Variants in YBX3 observed in about 807,000 individuals in gnomAD.
YBX3 encodes the protein Y-box binding protein 3.
A neutral mutation model predicts 42.4 loss-of-function variants in YBX3; 29 were observed. The ratio of observed to expected loss-of-function variants is 0.68; its 90% CI spans 0.51 to 0.93. YBX3 has a LOEUF of 0.93. Ranked by LOEUF, YBX3 falls within the 40% of genes least tolerant of loss-of-function variation. The probability of loss-of-function intolerance (pLI) is 0.00; values close to 1 mark genes in which losing one functional copy is unlikely to be tolerated. For missense variants in YBX3, 517 were observed against 527.5 expected, an observed-to-expected ratio of 0.98 and a Z score of 0.19; for synonymous variants, 195 against 189.8, an observed-to-expected ratio of 1.03 and a Z score of -0.22.
Position 10,710,632 on chromosome 12 carries a change from A to C in YBX3, c.574-518T>G, listed in dbSNP as rs1272074908. ...TCAGCGAGGTCAAACTATTGCCATA[A>C]TATTACTAAGATGCTATTTGCCTTT... On this transcript the variant is annotated intron_variant, in intron 5 of 9. Coordinates refer to ENST00000228251, the MANE Select transcript of YBX3 (RefSeq NM_003651.5). 9 of 1,200,884 alleles carry C rather than the reference A, an allele frequency of 7.5e-6. No homozygotes were observed. The African/African-American group carries it at 1.4e-4, about 19-fold the overall frequency. The allele number at this position is 1,200,884 out of a possible 1,614,324, so 74.4% of individuals were successfully genotyped here. A position where few individuals can be genotyped will look rare whatever the true frequency, so the allele number is the denominator to read the frequency against.
Position 10,722,877 on chromosome 12 carries a change from T to G in YBX3, c.235A>C (p.Ser79Arg). ...AGAACTTTTTTCTCCGCGTCTTCGC[T>G]GCCGGCGGCGGTGGCTAAAGAGGCG... ...AAASLATAAG[S>R]EDAEKKVLAT... Residue 79 changes from serine (S) to arginine (R), a missense_variant, in exon 1 of 10, where the codon AGC becomes CGC. Physicochemically the swap from Ser to Arg is moderately radical, Grantham distance 110 (BLOSUM62 -1). This residue lies in a region of YBX3 where 420 missense variants were observed against 408.5 expected (regional missense o/e 1.03). Coordinates refer to ENST00000228251, the MANE Select transcript of YBX3 (RefSeq NM_003651.5). 6.7e-7 allele frequency: 1 copy of G among 1,488,306 alleles called. No homozygotes were observed. The highest frequency in any genetic ancestry group is 8.9e-7 in the Non-Finnish European group (1 of 1,119,102). 92.2% of individuals were successfully genotyped at this position (1,488,306 alleles called of 1,614,324 possible).
intron 6 of YBX3, among the ~76,000 whole-genome samples, chr12:10,707,794 G>A (rs1948154480): frequency 6.6e-6 from 1 of 152,004 alleles, no homozygotes; most frequent in African/African-American, 2.4e-5. Context: ...CCCATCACAT[G>A]AGCCTCTCTT....
intron 4 of YBX3, among the ~76,000 whole-genome samples, chr12:10,715,318 G>A (rs1364779070): frequency 6.6e-6 from 1 of 151,782 alleles, no homozygotes; most frequent in Non-Finnish European, 1.5e-5. Context: ...GCTGACACAG[G>A]TGGATCACCT....
At chr12:10,721,427 C>T (rs887193261) in intron 1 of YBX3, among the ~76,000 whole-genome samples, 3 of 152,164 alleles carry the variant, frequency 2.0e-5, no homozygotes, top group African/African-American at 7.2e-5. Flanking sequence ...CAATGTTATC[C>T]TAACACTGCT....
chr12:10,715,296 G>C (rs556885696), intron 4 of YBX3, among the ~76,000 whole-genome samples: 1 of 151,804 alleles, frequency 6.6e-6, no homozygotes, highest in Admixed American at 6.6e-5. Context: ...TGTAATCCCA[G>C]TACTTTGGGA....
chr12:10,703,770 C>T (rs1354429183), intron 7 of YBX3: 2 of 346,036 alleles, frequency 5.8e-6, no homozygotes, highest in Admixed American at 4.3e-5. Flanking sequence ...GAATTGCCCA[C>T]CAATAATTTA....
intron 1 of YBX3, chr12:10,722,211 G>C (rs988093216): frequency 2.0e-5 from 3 of 152,308 alleles, no homozygotes; most frequent in African/African-American, 7.2e-5. Flanking sequence ...GTGGGACTAA[G>C]ACCCAAGTTT....
chr12:10,715,540 T>C (rs1948250909), intron 4 of YBX3, among the ~76,000 whole-genome samples, 154 bp downstream of exon 4: 1 of 150,060 alleles, frequency 6.7e-6, no homozygotes, highest in Non-Finnish European at 1.5e-5. Context: ...GGAGACCCCA[T>C]CTTAAAAAAA....
chr12:10,714,235 G>A (rs1948233659), intron 4 of YBX3, among the ~76,000 whole-genome samples: 1 of 152,134 alleles, frequency 6.6e-6, no homozygotes, highest in Non-Finnish European at 1.5e-5. Flanking sequence ...AAACACAATG[G>A]TTTGAGAGCC....
At chr12:10,703,953 G>C in intron 7 of YBX3, 98 bp downstream of exon 7, 2 of 1,145,362 alleles carry the variant, frequency 1.7e-6, no homozygotes, top group South Asian at 2.8e-5. Context: ...ACATCTTCTA[G>C]ATATATAATA....
intron 1 of YBX3, chr12:10,720,888 T>G (rs184472651): frequency 2.6e-5 from 4 of 152,352 alleles, no homozygotes; most frequent in African/African-American, 9.6e-5. Context: ...ATGATCAAAT[T>G]CATTCCCACG....
At chr12:10,708,290 G>A (rs1043044958) in intron 6 of YBX3, among the ~76,000 whole-genome samples, 2 of 151,598 alleles carry the variant, frequency 1.3e-5, no homozygotes, top group South Asian at 2.1e-4. Flanking sequence ...TAGTGCATAA[G>A]GCAAATACCA....
chr12:10,709,847 G>T, intron 6 of YBX3, 61 bp downstream of exon 6: 1 of 1,586,168 alleles, frequency 6.3e-7, no homozygotes, highest in Non-Finnish European at 8.7e-7. Context: ...AGGAGGAAGA[G>T]GAGGCAGAGA....
chr12:10,710,013 G>A lies in YBX3; in HGVS notation c.675C>T (p.Arg225=). The part of the protein sequence containing the change: ...QFSGARNQLR[R]PQYRPQYRQR... Reference sequence around the variant, plus strand: ...GCCGGTACTGAGGGCGATACTGGGGGCGGCGCAGCTGATTCCGGGCCCCAG... The same window carrying A: ...GCCGGTACTGAGGGCGATACTGGGGACGGCGCAGCTGATTCCGGGCCCCAG... The change falls in exon 6 of 10, where the codon CGC becomes CGT. Residue 225 remains arginine (R), a synonymous_variant. Coordinates refer to ENST00000228251, the MANE Select transcript of YBX3 (RefSeq NM_003651.5). 1.2e-6 allele frequency: 2 copies of A among 1,614,106 alleles called. No homozygotes were observed. The highest frequency in any genetic ancestry group is 1.1e-5 in the South Asian group (1 of 91,080).
At chr12:10,715,918 G>T in intron 3 of YBX3, 135 bp from the exon 4 acceptor site, 1 of 691,860 alleles carries the variant, frequency 1.4e-6, no homozygotes, top group Non-Finnish European at 2.5e-6. Context: ...CTCCCACTAA[G>T]TTGGATCTCC....
At chr12:10,714,146 C>A (rs1157510057) in intron 4 of YBX3, among the ~76,000 whole-genome samples, 1 of 152,142 alleles carries the variant, frequency 6.6e-6, no homozygotes. Flanking sequence ...AAAAGACTTA[C>A]AAGATACCCT....
At position 10,704,693 on chromosome 12, in the gene YBX3, G is replaced by A. The variant is rs540381801; in HGVS notation, c.781-545C>T. Among the ~76,000 whole-genome samples, 169 of 152,220 alleles carry A rather than the reference G, an allele frequency of 1.1e-3. 1 individual carries two copies. Among genetic ancestry groups the A allele is most frequent in the African/African-American group, 3.2e-3 (132 of 41,540 alleles). The stretch of plus-strand genomic sequence containing the variant: ...TTTCATCAAGAAAGAGAAACAGTCA[G>A]AAGACAATTTCCACGTTCTCATTAG... On this transcript the variant is annotated intron_variant, in intron 6 of 9. Coordinates refer to ENST00000228251, the MANE Select transcript of YBX3 (RefSeq NM_003651.5).
At chr12:10,706,563 C>G (rs1276044022) in intron 6 of YBX3, among the ~76,000 whole-genome samples, 3 of 152,200 alleles carry the variant, frequency 2.0e-5, no homozygotes, top group African/African-American at 7.2e-5. Flanking sequence ...ATACATTCTC[C>G]TTGGCTGCTC....
At chr12:10,701,494 C>A in intron 8 of YBX3, 141 bp from the exon 9 acceptor site, 14 of 622,350 alleles carry the variant, frequency 2.2e-5, no homozygotes, top group Non-Finnish European at 3.2e-5. Context: ...GTATGAGTCA[C>A]AAATTAGTAC....
Sources: allele counts gnomAD v4.1 joint callset (sites outside exome capture counted in the v4.1 genomes callset), GRCh38; gene constraint gnomAD v4.1.1; regional missense constraint gnomAD v4.1.1; transcripts MANE v1.5; gene names NCBI Gene and HGNC (gene_info 2026-07-23, HGNC 2026-07-21).